SPATA31G1: variants seen among roughly 807,000 people sequenced by gnomAD.
The protein encoded by SPATA31G1 is SPATA31 subfamily G member 1.
the SPATA31G1 span, chr9:35,044,432 G>A: frequency 6.2e-7 from 1 of 1,613,994 alleles, no homozygotes; most frequent in African/African-American, 1.3e-5. Flanking sequence ...GGGCCTCTAA[G>A]CACCCAGCTT....
chr9:35,044,981 T>C, the SPATA31G1 span: 4 of 1,613,838 alleles, frequency 2.5e-6, no homozygotes, highest in Non-Finnish European at 8.5e-7. Context: ...GGCAGTGGAG[T>C]AGAGAGCTGA....
chr9:35,042,021 G>T, the SPATA31G1 span: 1 of 589,490 alleles, frequency 1.7e-6, no homozygotes, highest in Non-Finnish European at 2.9e-6. Flanking sequence ...GCAGTTCGGT[G>T]CTAGAATCCA....
chr9:35,045,012 C>T, the SPATA31G1 span: 26 of 1,614,064 alleles, frequency 1.6e-5, no homozygotes, highest in African/African-American at 4.0e-5. Context: ...GAAGAAACTG[C>T]GGCAGAGCCC....
At chr9:35,043,195 A>G in the SPATA31G1 span, 1 of 1,614,230 alleles carries the variant, frequency 6.2e-7, no homozygotes, top group South Asian at 1.1e-5. Context: ...AACCGCCAGC[A>G]GCAGAGAAAA....
the SPATA31G1 span, chr9:35,045,396 A>G: frequency 6.2e-7 from 1 of 1,614,080 alleles, no homozygotes; most frequent in Non-Finnish European, 8.5e-7. Context: ...AGAACCCTCA[A>G]ACTCTAAGGT....
At chr9:35,044,233 G>C in the SPATA31G1 span, 23 of 1,614,176 alleles carry the variant, frequency 1.4e-5, no homozygotes, top group African/African-American at 2.9e-4. Flanking sequence ...CCTGGGGAAT[G>C]CCTCGCTACA....
At chr9:35,043,211 G>A in the SPATA31G1 span, 1 of 1,614,092 alleles carries the variant, frequency 6.2e-7, no homozygotes, top group African/African-American at 1.3e-5. Context: ...GAAAAAGCCA[G>A]CTCTTCTGGG....
chr9:35,043,596 C>A, the SPATA31G1 span: 1 of 1,614,194 alleles, frequency 6.2e-7, no homozygotes, highest in Non-Finnish European at 8.5e-7. Context: ...ATATGAGACT[C>A]ATTTGGAAAC....
chr9:35,042,841 T>C, the SPATA31G1 span: 1 of 1,603,428 alleles, frequency 6.2e-7, no homozygotes, highest in South Asian at 1.1e-5. Context: ...TGCCTGAGAA[T>C]ATCTTTATCT....
the SPATA31G1 span, chr9:35,043,229 C>A: frequency 6.2e-7 from 1 of 1,614,104 alleles, no homozygotes; most frequent in South Asian, 1.1e-5. Context: ...GGGGTCTCCC[C>A]TCTCTGCACA....
chr9:35,045,193 C>T, the SPATA31G1 span: 3 of 1,614,158 alleles, frequency 1.9e-6, no homozygotes, highest in Non-Finnish European at 2.5e-6. Flanking sequence ...CGCACAGTAC[C>T]TCAGCCTGTC....
the SPATA31G1 span, chr9:35,044,682 C>T: frequency 1.2e-6 from 2 of 1,614,172 alleles, no homozygotes; most frequent in Non-Finnish European, 8.5e-7. Flanking sequence ...GGCCACTGAG[C>T]TCCCAGCCCC....
chr9:35,044,718 G>C, the SPATA31G1 span: 1 of 1,614,106 alleles, frequency 6.2e-7, no homozygotes, highest in Non-Finnish European at 8.5e-7. Context: ...TCCTCTACCA[G>C]AGCCACACAT....
chr9:35,042,002 T>G, the SPATA31G1 span: 1 of 454,532 alleles, frequency 2.2e-6, no homozygotes. Flanking sequence ...GAGCTATGAT[T>G]TGAATAAGGC....
the SPATA31G1 span, chr9:35,045,516 T>C: frequency 1.2e-6 from 2 of 1,613,970 alleles, no homozygotes; most frequent in Non-Finnish European, 1.7e-6. Context: ...GACTGCAAGG[T>C]TGGGGTTATC....
the SPATA31G1 span, chr9:35,044,831 C>G: frequency 6.2e-7 from 1 of 1,614,110 alleles, no homozygotes; most frequent in Non-Finnish European, 8.5e-7. Flanking sequence ...AGCCTCCCAC[C>G]CTAGCTGAAG....
At chr9:35,043,936 A>G in the SPATA31G1 span, 3 of 1,613,826 alleles carry the variant, frequency 1.9e-6, no homozygotes, top group Non-Finnish European at 2.5e-6. Flanking sequence ...CTCAACCCAG[A>G]GCTCTCTGGA....
the SPATA31G1 span, chr9:35,043,271 A>C: frequency 1.7e-5 from 27 of 1,614,198 alleles, no homozygotes; most frequent in African/African-American, 2.7e-5. Context: ...TCCTGAGCTC[A>C]GGTGGCCCCT....
chr9:35,045,301 AG>A, the SPATA31G1 span: 1 of 1,614,060 alleles, frequency 6.2e-7, no homozygotes, highest in South Asian at 1.1e-5. Flanking sequence ...GAGAAAATGA[AG>A]GGGAAGATGG....
Sources: allele counts gnomAD v4.1 joint callset, GRCh38; gene constraint gnomAD v4.1.1; transcripts MANE v1.5; gene names NCBI Gene and HGNC (gene_info 2026-07-23, HGNC 2026-07-21).